COL13A1: variants seen among roughly 807,000 people sequenced by gnomAD.
The protein encoded by COL13A1 is collagen type XIII alpha 1 chain.
A neutral mutation model predicts 130.9 loss-of-function variants in COL13A1; 89 were observed. The observed-to-expected ratio is 0.68, with a 90% CI of 0.57 to 0.81. The LOEUF is 0.81. Ranked by LOEUF, COL13A1 falls within the 30% of genes least tolerant of loss-of-function variation. The pLI is 0.00. For missense variants in COL13A1, 879 were observed against 934.6 expected (o/e 0.94, Z 0.78); for synonymous variants, 402 against 341.6 (o/e 1.18, Z -1.95).
intron 1 of COL13A1, among the ~76,000 whole-genome samples, chr10:69,818,777 C>T (rs1261682173): frequency 1.3e-5 from 2 of 152,214 alleles, no homozygotes; most frequent in South Asian, 4.1e-4. Context: ...CCTTCCTCTA[C>T]CTTGTTCTAC....
chr10:69,846,887 G>A (rs1200023098), intron 2 of COL13A1, among the ~76,000 whole-genome samples: 2 of 152,210 alleles, frequency 1.3e-5, no homozygotes, highest in East Asian at 3.9e-4. Flanking sequence ...AGCCAAGCCT[G>A]AGGCTTGGCA....
chr10:69,855,387 C>T (rs1030193361), intron 2 of COL13A1, among the ~76,000 whole-genome samples: 2 of 152,158 alleles, frequency 1.3e-5, no homozygotes, highest in African/African-American at 4.8e-5. Flanking sequence ...CTGCTTGAGA[C>T]AGGATTCATT....
chr10:69,958,785 A>G lies in COL13A1; in HGVS notation c.*84A>G, dbSNP rs192713459. 5 of 1,579,096 alleles carry G rather than the reference A, an allele frequency of 3.2e-6. No individual in the cohort carries two copies. The East Asian group carries it at 1.1e-4, about 35-fold the overall frequency. ...ACAGTTTTCACTTTTTGAAAATGCC[A>G]GAAGTATGATGCATCTTACAGATTA... On this transcript the variant is annotated 3_prime_UTR_variant, in exon 41 of 41. Transcript: ENST00000645393.
chr10:69,804,396 A>G (rs1190608365), intron 1 of COL13A1, among the ~76,000 whole-genome samples: 1 of 151,998 alleles, frequency 6.6e-6, no homozygotes, highest in Non-Finnish European at 1.5e-5. Context: ...GCCAAGTCGC[A>G]TACTCTAGGG....
In COL13A1 at chr10:69,930,527, G is replaced by A; in HGVS notation, c.1658G>A (p.Gly553Glu). The change falls in exon 30 of 41, where the codon GGG (glycine) becomes GAG (glutamate). Residue 553 changes from glycine to glutamate, a missense_variant. By Grantham distance (98) the Gly-to-Glu change is moderately conservative. Around this residue, in one of 3 missense-constraint regions of COL13A1, gnomAD observed 715 missense variants for 721.0 expected, o/e 0.99. Transcript: ENST00000645393. ...AGCCCAGGAGAGAAGGGGGAAAAAG[G>A]GGAGACAGGACAAGCAGGCTCACCG... ...PGSPGEKGEK[G>E]ETGQAGSPGE... The A allele has an allele frequency of 6.2e-7, 1 of 1,613,706 alleles. No homozygotes were observed. The highest frequency in any genetic ancestry group is 8.5e-7 in the Non-Finnish European group (1 of 1,179,736).
Position 69,802,800 on chromosome 10 carries a change from G to A in COL13A1, c.294+83G>A, listed in dbSNP as rs192017721. 2,855 of 1,548,524 alleles carry A rather than the reference G, an allele frequency of 1.8e-3. 7 individuals carry two copies. Among genetic ancestry groups the A allele is most frequent in the Middle Eastern group, 3.8e-3 (16 of 4,226 alleles). On this transcript the variant is annotated intron_variant, in intron 1 of 40. Transcript: ENST00000645393. ...TCCAGACTGTTCAGCCGGTGTCCGC[G>A]GGCGCTCGCTCTCTGCGAGCCCCAG... is the stretch of plus-strand genomic sequence containing the variant.
chr10:69,888,224 C>T, intron 8 of COL13A1, 80 bp from the exon 9 acceptor site: 2 of 1,538,136 alleles, frequency 1.3e-6, no homozygotes, highest in East Asian at 2.3e-5. Flanking sequence ...AGAATCTGTG[C>T]TTTTCCCCAC....
intron 2 of COL13A1, among the ~76,000 whole-genome samples, chr10:69,847,425 T>C (rs1397066899): frequency 6.6e-6 from 1 of 152,206 alleles, no homozygotes; most frequent in Non-Finnish European, 1.5e-5. Flanking sequence ...GGTCACCCTG[T>C]AAACATCTCT....
chr10:69,954,495 T>A (rs891732000), intron 39 of COL13A1, among the ~76,000 whole-genome samples: 3 of 152,174 alleles, frequency 2.0e-5, no homozygotes, highest in African/African-American at 7.2e-5. Context: ...TAGCGAAACA[T>A]GTGAATGAGA....
chr10:69,814,655 T>C (rs1197451535), intron 1 of COL13A1, among the ~76,000 whole-genome samples: 2 of 152,260 alleles, frequency 1.3e-5, no homozygotes, highest in South Asian at 2.1e-4. Flanking sequence ...AGAGGGGTTA[T>C]AGATTTTGCT....
chr10:69,896,215 C>T (rs2061623838), intron 13 of COL13A1, among the ~76,000 whole-genome samples: 1 of 152,010 alleles, frequency 6.6e-6, no homozygotes, highest in African/African-American at 2.4e-5. Context: ...CTCTGCCCAC[C>T]CCCGCCTGCT....
chr10:69,826,835 G>A (rs1847619231), intron 2 of COL13A1, among the ~76,000 whole-genome samples: 5 of 152,140 alleles, frequency 3.3e-5, no homozygotes, highest in Admixed American at 3.3e-4. Flanking sequence ...TCCTTCTCTG[G>A]CAGATGCTTC....
Position 69,936,069 on chromosome 10 carries a change from A to AAGGG in COL13A1, c.1771-669_1771-666dup, listed in dbSNP as rs1200969595. On this transcript the variant is annotated intron_variant, in intron 32 of 40. Coordinates refer to ENST00000645393, the MANE Select transcript of COL13A1 (RefSeq NM_001368882.1). ...GAGGGAGGGAGGGAGGGAGTGAGGG[A>AAGGG]AGGGAGGGAGGGAGGGAGGGAAGGA... Among the ~76,000 whole-genome samples the AAGGG allele has an allele frequency of 6.9e-5, 8 of 116,670 alleles. No homozygotes were observed. The East Asian group carries it at 2.5e-3, about 36-fold the overall frequency. 76.5% of individuals were successfully genotyped at this position (116,670 alleles called of 152,430 possible). A position where few individuals can be genotyped will look rare whatever the true frequency, so the allele number is the denominator to read the frequency against.
Position 69,925,822 on chromosome 10 carries a change from G to A in COL13A1, c.1348G>A (p.Gly450Arg), listed in dbSNP as rs1416476345. The A allele has an allele frequency of 1.2e-6, 2 of 1,600,632 alleles. No homozygotes were observed. The highest frequency in any genetic ancestry group is 2.3e-5 in the East Asian group (1 of 44,378). Residue 450 changes from glycine to arginine, a missense_variant, in exon 26 of 41, where the codon GGG (glycine) becomes AGG (arginine). Gly to Arg is a moderately radical substitution (Grantham distance 125, BLOSUM62 -2). Coordinates refer to ENST00000645393, the MANE Select transcript of COL13A1 (RefSeq NM_001368882.1). The part of the protein sequence containing the change: ...DGPKGSKGEP[G>R]KGEMVDYNGN... ...CTTCCAGGGCTCCAAGGGAGAACCA[G>A]GGAAAGGAGAGATGGTGGATTACAA...
chr10:69,915,853 GGGACACAGAAACTAGCA>G (rs1352928620), intron 17 of COL13A1, among the ~76,000 whole-genome samples: 1 of 152,238 alleles, frequency 6.6e-6, no homozygotes, highest in Non-Finnish European at 1.5e-5. Flanking sequence ...AGTGTTTTCA[GGGACACAGAAACTAGCA>G]GGACACAGAA....
chr10:69,817,241 AG>A (rs1387200237), intron 1 of COL13A1, among the ~76,000 whole-genome samples: 1 of 152,062 alleles, frequency 6.6e-6, no homozygotes, highest in Non-Finnish European at 1.5e-5. Context: ...GCAGGAAGGC[AG>A]GGGACTTGCT....
intron 1 of COL13A1, among the ~76,000 whole-genome samples, chr10:69,815,797 A>G (rs1200269813): frequency 6.6e-6 from 1 of 152,172 alleles, no homozygotes; most frequent in Non-Finnish European, 1.5e-5. Context: ...TTTTAGGCGC[A>G]GTGAATAGAA....
At chr10:69,803,759 C>T (rs1039380948) in intron 1 of COL13A1, among the ~76,000 whole-genome samples, 1 of 152,126 alleles carries the variant, frequency 6.6e-6, no homozygotes, top group Non-Finnish European at 1.5e-5. Context: ...GGTTTTTATC[C>T]CCACTCTGCT....
At chr10:69,921,846 G>A in intron 21 of COL13A1, 36 bp from the exon 22 acceptor site, 1 of 1,588,770 alleles carries the variant, frequency 6.3e-7, no homozygotes. Context: ...TGCAGAAACA[G>A]TTCCTAACCC....
Sources: gnomAD v4.1 joint callset for allele counts (sites outside exome capture counted in the v4.1 genomes callset) on GRCh38, gnomAD v4.1.1 for gene constraint, gnomAD v4.1.1 regional missense constraint, MANE v1.5 for transcripts, NCBI Gene and HGNC (gene_info 2026-07-23, HGNC 2026-07-21) for gene names.